Variants in DCK observed in about 807,000 individuals in gnomAD.
DCK encodes deoxycytidine kinase, also known as deoxyadenosine kinase.
A neutral mutation model predicts 38.3 loss-of-function variants in DCK; 23 were observed. The observed-to-expected ratio is 0.60, with a 90% confidence interval of 0.43 to 0.85. The LOEUF (loss-of-function observed/expected upper bound fraction) is 0.85. Among genes scored for constraint, DCK ranks in the 40% least tolerant of loss-of-function variants. The pLI, the probability that DCK is intolerant of heterozygous loss-of-function variation, is 0.00. For synonymous variants in DCK, 108 were observed against 100.6 expected (o/e 1.07, Z -0.44); for missense variants, 259 against 304.4 (o/e 0.85, Z 1.11).
chr4:70,998,144 A>G lies in DCK; in HGVS notation c.169A>G (p.Arg57Gly). 1.2e-6 allele frequency: 2 copies of G among 1,605,544 alleles called. No individual in the cohort carries two copies. The highest frequency in any genetic ancestry group is 1.7e-6 in the Non-Finnish European group (2 of 1,173,774). Reference protein sequence around the residue: ...DWEVVPEPVARWCNVQSTQDE... With the variant: ...DWEVVPEPVAGWCNVQSTQDE... ...GGAAGTGGTTCCTGAACCTGTTGCC[A>G]GATGGTGCAATGTTCAAAGTACTCA... Residue 57 changes from arginine (R) to glycine (G), a missense_variant, in exon 2 of 7, where the codon AGA becomes GGA. Coordinates refer to ENST00000286648, the MANE Select transcript of DCK (RefSeq NM_000788.3).
At chr4:71,021,818 C>T (rs932154874) in intron 2 of DCK, among the ~76,000 whole-genome samples, 1 of 152,044 alleles carries the variant, frequency 6.6e-6, no homozygotes, top group Non-Finnish European at 1.5e-5. Flanking sequence ...CTGGCTAACA[C>T]GGTGAAACCC....
At chr4:71,019,443 C>T (rs968840088) in intron 2 of DCK, among the ~76,000 whole-genome samples, 1 of 152,006 alleles carries the variant, frequency 6.6e-6, no homozygotes, top group African/African-American at 2.4e-5. Flanking sequence ...AAGTATACAG[C>T]TCAGTAGTAT....
chr4:71,025,954 A>G (rs770909986), intron 5 of DCK, 23 bp downstream of exon 5: 16 of 1,556,030 alleles, frequency 1.0e-5, no homozygotes, highest in Non-Finnish European at 1.4e-5. Flanking sequence ...TTTATTTACT[A>G]TTCATTTTAA....
intron 2 of DCK, among the ~76,000 whole-genome samples, chr4:70,999,928 T>C (rs2148912228): frequency 6.6e-6 from 1 of 152,344 alleles, no homozygotes; most frequent in African/African-American, 2.4e-5. Context: ...ATTAGCCCTT[T>C]GTCTGATGGG....
At position 70,997,183 on chromosome 4, in the gene DCK, T is replaced by C. The variant is rs1174214152; in HGVS notation, c.92-884T>C. On this transcript the variant is annotated intron_variant, in intron 1 of 6. Coordinates refer to ENST00000286648, the MANE Select transcript of DCK (RefSeq NM_000788.3). ...TTTCAGACTCTGGTGGATGCCTAATTTTTTTATTTGTTCCTTGGGTGCTAT... is the reference window on the plus strand; with the variant it reads ...TTTCAGACTCTGGTGGATGCCTAATCTTTTTATTTGTTCCTTGGGTGCTAT... 2.6e-5 allele frequency among the ~76,000 whole-genome samples: 4 copies of C among 152,170 alleles called. No individual in the cohort carries two copies. The East Asian group carries it at 7.7e-4, about 29-fold the overall frequency.
At chr4:71,028,560 T>C in intron 6 of DCK, 1 of 403,010 alleles carries the variant, frequency 2.5e-6, no homozygotes, top group Non-Finnish European at 4.9e-6. Flanking sequence ...AAAATGACCT[T>C]TTAGGTCATT....
Position 71,023,593 on chromosome 4 carries a change from T to C in DCK, c.436T>C (p.Cys146Arg), listed in dbSNP as rs1331911946. The C allele has an allele frequency of 2.5e-6, 4 of 1,607,888 alleles. No individual in the cohort carries two copies. The highest frequency in any genetic ancestry group is 3.4e-6 in the Non-Finnish European group (4 of 1,175,708). Residue 146 changes from cysteine (C) to arginine (R), a missense_variant, in exon 4 of 7, where the codon TGC becomes CGC. Around this residue, in one of 3 missense-constraint regions of DCK, gnomAD observed 18 missense variants for 41.6 expected, o/e 0.43. Transcript: ENST00000286648. ...TGCATCTAATTTGTATGAATCTGAATGCATGAATGAGACAGAGTGGACAAT... is the reference window on the plus strand; with the variant it reads ...TGCATCTAATTTGTATGAATCTGAACGCATGAATGAGACAGAGTGGACAAT... Reference protein sequence around the residue: ...IFASNLYESECMNETEWTIYQ... With the variant: ...IFASNLYESERMNETEWTIYQ...
At chr4:71,028,604 C>CTTTTTTTTTTTTTTTTTTTTTTTTT (rs68174217) in intron 6 of DCK, 1 of 307,714 alleles carries the variant, frequency 3.2e-6, no homozygotes, top group Non-Finnish European at 6.7e-6. Flanking sequence ...AACAATATTT[C>CTTTTTTTTTTTTTTTTTTTTTTTTT]TTTTTTTTCT....
At chr4:71,007,083 C>G (rs1014619183) in intron 2 of DCK, among the ~76,000 whole-genome samples, 5 of 152,092 alleles carry the variant, frequency 3.3e-5, no homozygotes, top group Non-Finnish European at 5.9e-5. Context: ...ATTTGCCAGG[C>G]ATAGCTAACT....
At chr4:71,017,673 G>A (rs571595179) in intron 2 of DCK, among the ~76,000 whole-genome samples, 396 of 150,732 alleles carry the variant, frequency 2.6e-3, no homozygotes, top group Admixed American at 4.4e-3. Context: ...GCAAACTGTC[G>A]CAGGGAAAAA....
chr4:71,014,412 A>G (rs1346773592), intron 2 of DCK, among the ~76,000 whole-genome samples: 1 of 152,252 alleles, frequency 6.6e-6, no homozygotes, highest in African/African-American at 2.4e-5. Flanking sequence ...CTCTGTACCA[A>G]GCGGACCTAA....
chr4:70,998,166 C>T lies in DCK; in HGVS notation c.191C>T (p.Thr64Ile), dbSNP rs761726068. The stretch of plus-strand genomic sequence containing the variant: ...GCCAGATGGTGCAATGTTCAAAGTA[C>T]TCAAGATGAATTTGAGGTATGAAAA... ...PVARWCNVQSTQDEFEELTMS... is the reference protein window; with the variant it reads ...PVARWCNVQSIQDEFEELTMS... Residue 64 changes from threonine (T) to isoleucine (I), a missense_variant, in exon 2 of 7, where the codon ACT (threonine) becomes ATT (isoleucine). Physicochemically the swap from Thr to Ile is moderately conservative, Grantham distance 89. This residue lies in a region of DCK where 159 missense variants were observed against 159.0 expected (regional missense o/e 1.00). Coordinates refer to ENST00000286648, the MANE Select transcript of DCK (RefSeq NM_000788.3). The T allele has an allele frequency of 3.8e-6, 6 of 1,566,026 alleles. No homozygotes were observed. The highest frequency in any genetic ancestry group is 5.2e-6 in the Non-Finnish European group (6 of 1,143,218).
chr4:71,022,532 T>A lies in DCK; in HGVS notation c.373T>A (p.Phe125Ile). 6.3e-7 allele frequency: 1 copy of A among 1,592,614 alleles called. No homozygotes were observed. Among genetic ancestry groups the A allele is most frequent in the Non-Finnish European group, 8.5e-7 (1 of 1,172,876 alleles). ...CAAAGATGCAGAGAAACCTGTATTA[T>A]TTTTTGAACGATCTGTGTATAGTGA... ...KLKDAEKPVL[F>I]FERSVYSDRY... The change falls in exon 3 of 7, where the codon TTT becomes ATT. Residue 125 changes from phenylalanine (F) to isoleucine (I), a missense_variant. This residue lies in a region of DCK where 159 missense variants were observed against 159.0 expected (regional missense o/e 1.00). Transcript: ENST00000286648.
chr4:71,022,298 C>G (rs895409127), intron 2 of DCK, 69 bp from the exon 3 acceptor site: 1 of 837,978 alleles, frequency 1.2e-6, no homozygotes, highest in Non-Finnish European at 1.8e-6. Context: ...ATTTTTTAGC[C>G]TTAAAAATTA....
At chr4:70,999,082 T>C (rs558769473) in intron 2 of DCK, among the ~76,000 whole-genome samples, 2 of 152,300 alleles carry the variant, frequency 1.3e-5, no homozygotes, top group East Asian at 3.9e-4. Flanking sequence ...AGGTTTGTTA[T>C]GTAGATATAC....
At chr4:71,010,060 C>T (rs1448623390) in intron 2 of DCK, among the ~76,000 whole-genome samples, 2 of 152,200 alleles carry the variant, frequency 1.3e-5, no homozygotes, top group South Asian at 2.1e-4. Flanking sequence ...TGTTTCATCA[C>T]ACTTCTTGGC....
In DCK at chr4:70,993,772, G is replaced by T; in HGVS notation, c.-64G>T. 4.3e-6 allele frequency: 5 copies of T among 1,171,648 alleles called. No homozygotes were observed. Among genetic ancestry groups the T allele is most frequent in the Non-Finnish European group, 6.2e-6 (5 of 802,424 alleles). The allele number at this position is 1,171,648 out of a possible 1,614,324, so 72.6% of individuals were successfully genotyped here. ...AGCGGCGCCGCGAGCTCCAGTGCGC[G>T]CACCCGTGGCCGCCTCCCAGCCCTC... is the stretch of plus-strand genomic sequence containing the variant. On this transcript the variant is annotated 5_prime_UTR_variant, in exon 1 of 7. Transcript: ENST00000286648.
chr4:70,996,251 A>G (rs1011015215), intron 1 of DCK, among the ~76,000 whole-genome samples: 9 of 150,698 alleles, frequency 6.0e-5, no homozygotes, highest in African/African-American at 2.2e-4. Flanking sequence ...GTTTAGTCCT[A>G]GCTACTCAGG....
chr4:71,010,807 G>T (rs776384121), intron 2 of DCK, among the ~76,000 whole-genome samples: 6 of 150,988 alleles, frequency 4.0e-5, no homozygotes, highest in Non-Finnish European at 7.4e-5. Flanking sequence ...CGCATTACCC[G>T]TACTATTTTA....
Sources: allele counts gnomAD v4.1 joint callset (sites outside exome capture counted in the v4.1 genomes callset), GRCh38; gene constraint gnomAD v4.1.1; regional missense constraint gnomAD v4.1.1; transcripts MANE v1.5; gene names NCBI Gene and HGNC (gene_info 2026-07-23, HGNC 2026-07-21).